NCOR2: variants seen among roughly 807,000 people sequenced by gnomAD.
NCOR2 encodes nuclear receptor corepressor 2.
A neutral mutation model predicts 262.9 loss-of-function variants in NCOR2; 81 were observed. The ratio of observed to expected loss-of-function variants is 0.31; its 90% confidence interval spans 0.26 to 0.37. The LOEUF is 0.37. Ranked by LOEUF, NCOR2 falls within the 10% of genes least tolerant of loss-of-function variation. The probability of loss-of-function intolerance (pLI) is 1.00; values close to 1 mark genes in which losing one functional copy is unlikely to be tolerated. For missense variants in NCOR2, 3,385 were observed against 3,621.4 expected (o/e 0.93, Z 1.68); for synonymous variants, 1,659 against 1,559.3 (o/e 1.06, Z -1.51).
At chr12:124,487,097 C>T (rs1236944236) in intron 1 of NCOR2, among the ~76,000 whole-genome samples, 1 of 152,184 alleles carries the variant, frequency 6.6e-6, no homozygotes, top group African/African-American at 2.4e-5. Flanking sequence ...AAGGTGCATA[C>T]GGGGCAGCAT....
At chr12:124,557,038 C>T (rs948727125) in intron 1 of NCOR2, among the ~76,000 whole-genome samples, 3 of 152,218 alleles carry the variant, frequency 2.0e-5, no homozygotes, top group African/African-American at 4.8e-5. Context: ...TCGCAGAGGA[C>T]GGCCCACGCC....
chr12:124,373,193 G>T, intron 19 of NCOR2, among the ~76,000 whole-genome samples: 2 of 152,276 alleles, frequency 1.3e-5, no homozygotes, highest in Non-Finnish European at 1.5e-5. Context: ...TGTAGAATGC[G>T]CTCAGTGTGA....
chr12:124,453,799 C>T (rs2045688020), intron 6 of NCOR2, among the ~76,000 whole-genome samples: 1 of 152,266 alleles, frequency 6.6e-6, no homozygotes, highest in African/African-American at 2.4e-5. Flanking sequence ...CCAGCCTGGT[C>T]CAGTCCCCAC....
intron 13 of NCOR2, among the ~76,000 whole-genome samples, chr12:124,414,150 T>C (rs1231273000): frequency 6.6e-6 from 1 of 152,222 alleles, no homozygotes; most frequent in Non-Finnish European, 1.5e-5. Context: ...GCTGGCTTTA[T>C]GGCCAGTGTG....
At chr12:124,376,062 C>A (rs958839326) in intron 18 of NCOR2, among the ~76,000 whole-genome samples, 6 of 152,180 alleles carry the variant, frequency 3.9e-5, no homozygotes, top group Admixed American at 1.3e-4. Flanking sequence ...GCTGGGACAC[C>A]CCATGGGAGG....
chr12:124,422,384 G>A (rs1283986950), intron 12 of NCOR2, 117 bp downstream of exon 14: 15 of 1,221,522 alleles, frequency 1.2e-5, no homozygotes, highest in South Asian at 1.0e-4. Context: ...GGCAGCTGGA[G>A]CAAGGGGCCA....
intron 1 of NCOR2, among the ~76,000 whole-genome samples, chr12:124,545,455 AG>A (rs1335866271): frequency 6.6e-6 from 1 of 152,160 alleles, no homozygotes; most frequent in Non-Finnish European, 1.5e-5. Flanking sequence ...GGTCCCCATC[AG>A]CTTTCAGCCC....
Position 124,334,635 on chromosome 12 carries a change from G to C in NCOR2, c.6412-18C>G. The C allele has an allele frequency of 3.0e-6, 4 of 1,352,782 alleles. No individual in the cohort carries two copies. The highest frequency in any genetic ancestry group is 3.8e-6 in the Non-Finnish European group (4 of 1,050,708). 83.8% of individuals were successfully genotyped at this position (1,352,782 alleles called of 1,614,324 possible). A position where few individuals can be genotyped will look rare whatever the true frequency, so the allele number is the denominator to read the frequency against. On this transcript the variant is annotated intron_variant, in intron 40 of 46. Coordinates refer to ENST00000405201, the Ensembl canonical transcript of NCOR2. Reference sequence around the variant, plus strand: ...ATGACCTCCTGCAGGCAAGTGGGGGGGCCCAGAGTCAGGCAGCACTCTCCT... The same window carrying C: ...ATGACCTCCTGCAGGCAAGTGGGGGCGCCCAGAGTCAGGCAGCACTCTCCT...
At chr12:124,385,504 G>A (rs924763712) in intron 17 of NCOR2, among the ~76,000 whole-genome samples, 1 of 152,214 alleles carries the variant, frequency 6.6e-6, no homozygotes, top group African/African-American at 2.4e-5. Context: ...GGTGCAGGGT[G>A]GGGGTGGAGG....
chr12:124,442,245 G>A (rs1335710386), intron 7 of NCOR2, among the ~76,000 whole-genome samples: 2 of 152,196 alleles, frequency 1.3e-5, no homozygotes, highest in East Asian at 3.9e-4. Context: ...CTGGGCTCAA[G>A]CAATCCTCCT....
chr12:124,557,166 C>T (rs1034843355), intron 1 of NCOR2, among the ~76,000 whole-genome samples: 2 of 152,286 alleles, frequency 1.3e-5, no homozygotes, highest in African/African-American at 4.8e-5. Flanking sequence ...CTGGCTGCCA[C>T]GTGGGGGATG....
chr12:124,332,462 A>G, exon 43 of NCOR2: 4 of 1,614,166 alleles, frequency 2.5e-6, no homozygotes, highest in Non-Finnish European at 3.4e-6. Flanking sequence ...CTTGGAGCCC[A>G]TCCTGCTGTG....
chr12:124,334,872 C>T (rs946230878), intron 40 of NCOR2: 4 of 617,874 alleles, frequency 6.5e-6, no homozygotes, highest in Non-Finnish European at 1.1e-5. Context: ...AAACCTGGGC[C>T]ACCAGGAAGG....
At chr12:124,326,119 G>C in intron 46 of NCOR2, 72 bp downstream of exon 48, 2 of 1,390,486 alleles carry the variant, frequency 1.4e-6, no homozygotes, top group Non-Finnish European at 1.9e-6. Flanking sequence ...TCAGCATTCA[G>C]TGCCCCGGCA....
rs142347765 is a variant in NCOR2 at position 124,560,776 on chromosome 12, C to T, written c.-165+6532G>A. 1.6e-4 allele frequency among the ~76,000 whole-genome samples: 24 copies of T among 152,208 alleles called. No homozygotes were observed. The East Asian group carries it at 3.9e-3, about 24-fold the overall frequency. On this transcript the variant is annotated intron_variant, in intron 1 of 32. Coordinates refer to the NCOR2 transcript ENST00000458234. ...GGCCAGGAACCGAGGGAGACTTTTA[C>T]GCAATGTGTTAATTTTCTTTTTTAC...
intron 1 of NCOR2, among the ~76,000 whole-genome samples, chr12:124,528,380 C>G (rs531693559): frequency 6.6e-6 from 1 of 152,190 alleles, no homozygotes; most frequent in African/African-American, 2.4e-5. Flanking sequence ...CCTCCTTCCC[C>G]GAAAAGTCAT....
chr12:124,352,738 C>T (rs1294161026), intron 27 of NCOR2, among the ~76,000 whole-genome samples: 3 of 152,218 alleles, frequency 2.0e-5, no homozygotes, highest in East Asian at 3.9e-4. Flanking sequence ...AGAAATCCAG[C>T]CGGTGGCCCC....
chr12:124,407,655 C>T (rs2042347809), intron 13 of NCOR2, among the ~76,000 whole-genome samples: 1 of 152,220 alleles, frequency 6.6e-6, no homozygotes, highest in South Asian at 2.1e-4. Flanking sequence ...GCTGCGACCA[C>T]CCACGTAGGG....
chr12:124,500,370 C>T (rs796364180), intron 1 of NCOR2, among the ~76,000 whole-genome samples: 4 of 152,192 alleles, frequency 2.6e-5, no homozygotes, highest in African/African-American at 7.2e-5. Flanking sequence ...CACAAGTGCC[C>T]CCCGCCCCCA....
Sources: gnomAD v4.1 joint callset for allele counts (sites outside exome capture counted in the v4.1 genomes callset) on GRCh38, gnomAD v4.1.1 for gene constraint, MANE v1.5 for transcripts, NCBI Gene and HGNC (gene_info 2026-07-23, HGNC 2026-07-21) for gene names.